Variants in CHD7 observed in about 807,000 individuals in gnomAD.
CHD7 encodes the protein ATP-dependent chromatin remodeler CHD7.
CHD7 carries 24 observed loss-of-function variants against 307.3 expected under a neutral mutation model. That is an observed-to-expected ratio of 0.08 (90% confidence interval 0.06 to 0.11). The LOEUF is 0.11. Among genes scored for constraint, CHD7 ranks in the 10% least tolerant of loss-of-function variants. The pLI, the probability that CHD7 is intolerant of heterozygous loss-of-function variation, is 1.00. For missense variants in CHD7, 3,106 were observed against 3,727.1 expected (o/e 0.83, Z 4.34); for synonymous variants, 1,363 against 1,349.9 (o/e 1.01, Z -0.21).
rs780427369 is a variant in CHD7 at position 60,867,243 on chromosome 8, G to A, written c.*1310G>A. On this transcript the variant is annotated 3_prime_UTR_variant, in exon 38 of 38. Coordinates refer to ENST00000423902, the MANE Select transcript of CHD7 (RefSeq NM_017780.4). Reference sequence around the variant, plus strand: ...AAGAACAAAAGGGCAAAAGAAAAATGAGGCTTTAACAGGCACAATATCTAG... The same window carrying A: ...AAGAACAAAAGGGCAAAAGAAAAATAAGGCTTTAACAGGCACAATATCTAG... 4 of 152,222 alleles carry A rather than the reference G, an allele frequency of 2.6e-5. No homozygotes were observed. The highest frequency in any genetic ancestry group is 5.9e-5 in the Non-Finnish European group (4 of 68,040). 9.4% of individuals were successfully genotyped at this position (152,222 alleles called of 1,614,324 possible). A position where few individuals can be genotyped will look rare whatever the true frequency, so the allele number is the denominator to read the frequency against.
chr8:60,830,229 A>C, intron 14 of CHD7, 93 bp from the exon 15 acceptor site: 1 of 1,290,572 alleles, frequency 7.7e-7, no homozygotes, highest in Non-Finnish European at 1.1e-6. Flanking sequence ...ATGGATGTTT[A>C]ATGAATGAGA....
chr8:60,703,873 A>G (rs544571814), intron 1 of CHD7, among the ~76,000 whole-genome samples: 1 of 152,302 alleles, frequency 6.6e-6, no homozygotes, highest in South Asian at 2.1e-4. Context: ...CTGCCAAGTG[A>G]ATCTTGATTT....
At chr8:60,851,444 T>C (rs1390753989) in intron 28 of CHD7, 125 bp downstream of exon 28, 6 of 677,194 alleles carry the variant, frequency 8.9e-6, no homozygotes, top group East Asian at 2.8e-5. Flanking sequence ...TACACTGACC[T>C]GTTTTGTGAA....
At chr8:60,680,958 ATTTT>A (rs1805596295) in intron 1 of CHD7, among the ~76,000 whole-genome samples, 1 of 152,038 alleles carries the variant, frequency 6.6e-6, no homozygotes, top group African/African-American at 2.4e-5. Context: ...TGAGGCCCTG[ATTTT>A]TTATTTTCTA....
In CHD7 at chr8:60,742,887, T is replaced by C. The variant is rs1344779024; in HGVS notation, c.1455T>C (p.Leu485=). 6.2e-7 allele frequency: 1 copy of C among 1,612,378 alleles called. No homozygotes were observed. The highest frequency in any genetic ancestry group is 1.3e-5 in the African/African-American group (1 of 75,002). The change falls in exon 2 of 38, where the codon CTT becomes CTC. Residue 485 remains leucine (L), a synonymous_variant. Transcript: ENST00000423902. ...CAAATGGTTGTCCTGGTGTTGGCCT[T>C]GGAGACCCACAAGCAATCCAGGAAC... ...MRPNGCPGVG[L]GDPQAIQERL... is the part of the protein sequence containing the mutation.
intron 7 of CHD7, among the ~76,000 whole-genome samples, chr8:60,814,323 G>C (rs1026969188): frequency 6.6e-6 from 1 of 152,244 alleles, no homozygotes; most frequent in African/African-American, 2.4e-5. Flanking sequence ...CACAGGTGGT[G>C]CTTTGAAGGC....
In CHD7 at chr8:60,854,539, T is replaced by G; in HGVS notation, c.6936+16T>G. The G allele has an allele frequency of 6.4e-7, 1 of 1,573,146 alleles. No homozygotes were observed. Among genetic ancestry groups the G allele is most frequent in the Non-Finnish European group, 8.7e-7 (1 of 1,154,628 alleles). On this transcript the variant is annotated intron_variant, in intron 32 of 37. Transcript: ENST00000423902. Reference sequence around the variant, plus strand: ...TTGGCCTAAGGTTGGCAGGTTTTTGTTGCTGTTGTTTTGCTGACCAAAAAG... The same window carrying G: ...TTGGCCTAAGGTTGGCAGGTTTTTGGTGCTGTTGTTTTGCTGACCAAAAAG...
At position 60,754,976 on chromosome 8, in the gene CHD7, A is replaced by G. The variant is rs116482108; in HGVS notation, c.1665+11879A>G. Among the ~76,000 whole-genome samples, 714 of 152,320 alleles carry G rather than the reference A, an allele frequency of 4.7e-3. 9 individuals carry two copies. Among genetic ancestry groups the G allele is most frequent in the African/African-American group, 0.016 (662 of 41,568 alleles). ...TCCACTTCATGCCCTTGTTGTTACT[A>G]GCATCTTACCATGTTTTCATGGTGT... On this transcript the variant is annotated intron_variant, in intron 2 of 37. Coordinates refer to ENST00000423902, the MANE Select transcript of CHD7 (RefSeq NM_017780.4).
At chr8:60,776,182 A>G (rs1767288542) in intron 2 of CHD7, among the ~76,000 whole-genome samples, 3 of 152,308 alleles carry the variant, frequency 2.0e-5, no homozygotes, top group East Asian at 1.9e-4. Context: ...TTCAGTATAA[A>G]TATGTTTTCC....
rs1805257031 is a variant in CHD7 at position 60,847,348 on chromosome 8, C to G, written c.5211-1167C>G. ...GTAGTAGAGCCTGAAGACCTAGTTC[C>G]AGTTGTGCCATGTGCAAGGTAACTC... is the stretch of plus-strand genomic sequence containing the variant. On this transcript the variant is annotated intron_variant, in intron 23 of 37. Coordinates refer to ENST00000423902, the MANE Select transcript of CHD7 (RefSeq NM_017780.4). 2.0e-5 allele frequency among the ~76,000 whole-genome samples: 3 copies of G among 152,302 alleles called. No individual in the cohort carries two copies. The South Asian group carries it at 6.2e-4, about 32-fold the overall frequency.
At chr8:60,830,858 A>G (rs1237560049) in intron 15 of CHD7, among the ~76,000 whole-genome samples, 2 of 152,206 alleles carry the variant, frequency 1.3e-5, no homozygotes, top group Non-Finnish European at 1.5e-5. Context: ...GCTAGAAGTC[A>G]TCTGAAGTGC....
intron 1 of CHD7, among the ~76,000 whole-genome samples, chr8:60,690,243 A>G (rs1474069695): frequency 6.6e-6 from 1 of 152,096 alleles, no homozygotes; most frequent in Admixed American, 6.5e-5. Flanking sequence ...TCCCACACGA[A>G]TAGTCTATGA....
intron 2 of CHD7, among the ~76,000 whole-genome samples, chr8:60,754,565 AT>A (rs1809793782): frequency 6.6e-6 from 1 of 152,218 alleles, no homozygotes; most frequent in African/African-American, 2.4e-5. Context: ...TGCCTTAAAA[AT>A]CAACTTACTA....
chr8:60,857,982 A>G (rs917203760), intron 34 of CHD7, among the ~76,000 whole-genome samples: 1 of 152,244 alleles, frequency 6.6e-6, no homozygotes, highest in Admixed American at 6.5e-5. Flanking sequence ...TGGGCCGGGC[A>G]TGGTGGCTCA....
chr8:60,805,185 A>G (rs1812482788), intron 6 of CHD7, among the ~76,000 whole-genome samples: 1 of 152,202 alleles, frequency 6.6e-6, no homozygotes, highest in South Asian at 2.1e-4. Flanking sequence ...CCTCCCATTT[A>G]GTAAATAATT....
chr8:60,800,766 A>G (rs749785479), intron 5 of CHD7, among the ~76,000 whole-genome samples: 1 of 152,226 alleles, frequency 6.6e-6, no homozygotes, highest in Non-Finnish European at 1.5e-5. Context: ...TTGGAGAATT[A>G]ATGTTCTATG....
chr8:60,803,127 A>T (rs1812388499), intron 6 of CHD7, among the ~76,000 whole-genome samples: 1 of 152,204 alleles, frequency 6.6e-6, no homozygotes, highest in Non-Finnish European at 1.5e-5. Flanking sequence ...TGACTCTAGA[A>T]CTGCTAATTT....
chr8:60,755,898 A>C (rs1055388791), intron 2 of CHD7, among the ~76,000 whole-genome samples: 3 of 152,200 alleles, frequency 2.0e-5, no homozygotes, highest in Non-Finnish European at 4.4e-5. Flanking sequence ...TCATGCTAAT[A>C]ATGAGTGTTT....
rs1166269859 is a variant in CHD7, at chr8:60,742,715, C to T, written c.1283C>T (p.Pro428Leu). Residue 428 changes from proline (P) to leucine (L), a missense_variant, in exon 2 of 38, where the codon CCA becomes CTA. Around this residue, in one of 10 missense-constraint regions of CHD7, gnomAD observed 998 missense variants for 1,004.5 expected, o/e 0.99. Transcript: ENST00000423902. ...AGIPMEVGSY[P>L]NMPHPQPSHQ... ...ATACCAATGGAAGTTGGCAGTTATCCAAATATGCCCCATCCTCAGCCATCT... is the reference window on the plus strand; with the variant it reads ...ATACCAATGGAAGTTGGCAGTTATCTAAATATGCCCCATCCTCAGCCATCT... 6.2e-7 allele frequency: 1 copy of T among 1,612,924 alleles called. No individual in the cohort carries two copies. Among genetic ancestry groups the T allele is most frequent in the East Asian group, 2.2e-5 (1 of 44,884 alleles).
Sources: gnomAD v4.1 joint callset for allele counts (sites outside exome capture counted in the v4.1 genomes callset) on GRCh38, gnomAD v4.1.1 for gene constraint, gnomAD v4.1.1 regional missense constraint, MANE v1.5 for transcripts, NCBI Gene and HGNC (gene_info 2026-07-23, HGNC 2026-07-21) for gene names.